Variants in NEK7 observed in about 807,000 individuals in gnomAD.
NEK7 encodes the protein serine/threonine-protein kinase Nek7.
A neutral mutation model predicts 44.6 loss-of-function variants in NEK7; 18 were observed. The observed-to-expected ratio is 0.40, with a 90% confidence interval of 0.28 to 0.60. NEK7 has a LOEUF of 0.60. Ranked by LOEUF, NEK7 falls within the 20% of genes least tolerant of loss-of-function variation. The probability of loss-of-function intolerance (pLI) is 0.38; values close to 1 mark genes in which losing one functional copy is unlikely to be tolerated. For synonymous variants in NEK7, 130 were observed against 121.1 expected (o/e 1.07, Z -0.48); for missense variants, 256 against 366.5 (o/e 0.70, Z 2.46).
chr1:198,161,359 G>C (rs1664096190), intron 1 of NEK7, among the ~76,000 whole-genome samples: 1 of 152,168 alleles, frequency 6.6e-6, no homozygotes, highest in South Asian at 2.1e-4. Flanking sequence ...GATTGCATCT[G>C]CTGCCATTGT....
chr1:198,245,520 A>G (rs909070384), intron 2 of NEK7, among the ~76,000 whole-genome samples: 2 of 152,186 alleles, frequency 1.3e-5, no homozygotes, highest in South Asian at 4.1e-4. Context: ...CTGGGTATGA[A>G]AAAGGAAGTT....
rs1666275275 is a variant in NEK7, at chr1:198,227,911, G to A, written c.-28-4642G>A. On this transcript the variant is annotated intron_variant, in intron 1 of 9. Coordinates refer to ENST00000367385, the MANE Select transcript of NEK7 (RefSeq NM_133494.3). Reference sequence around the variant, plus strand: ...GTCAATTTTGGCTTTTGTTGCCATTGCTTTTGGTGTTTTAGACATGAAGTC... The same window carrying A: ...GTCAATTTTGGCTTTTGTTGCCATTACTTTTGGTGTTTTAGACATGAAGTC... 4.6e-5 allele frequency among the ~76,000 whole-genome samples: 7 copies of A among 152,204 alleles called. No individual in the cohort carries two copies. The South Asian group carries it at 1.5e-3, about 32-fold the overall frequency.
At chr1:198,274,583 C>T (rs1245761613) in intron 5 of NEK7, among the ~76,000 whole-genome samples, 1 of 151,624 alleles carries the variant, frequency 6.6e-6, no homozygotes, top group Non-Finnish European at 1.5e-5. Flanking sequence ...CTATCTTTCT[C>T]TGTTGATGAG....
At chr1:198,163,794 AG>A (rs1257794688) in intron 1 of NEK7, among the ~76,000 whole-genome samples, 1 of 152,218 alleles carries the variant, frequency 6.6e-6, no homozygotes, top group African/African-American at 2.4e-5. Flanking sequence ...GTCTGGTGGT[AG>A]GTGTGGTATT....
At chr1:198,233,838 T>A (rs1364114998) in intron 2 of NEK7, among the ~76,000 whole-genome samples, 1 of 151,624 alleles carries the variant, frequency 6.6e-6, no homozygotes, top group Middle Eastern at 3.2e-3. Context: ...CTTTTCTGCT[T>A]GTATGACTTT....
At chr1:198,275,872 C>A (rs1654003495) in intron 5 of NEK7, among the ~76,000 whole-genome samples, 1 of 151,236 alleles carries the variant, frequency 6.6e-6, no homozygotes, top group African/African-American at 2.4e-5. Flanking sequence ...AAACCCTATA[C>A]TTAAGGAATG....
intron 5 of NEK7, among the ~76,000 whole-genome samples, chr1:198,269,690 C>T (rs1331221483): frequency 6.6e-6 from 1 of 151,978 alleles, no homozygotes; most frequent in Non-Finnish European, 1.5e-5. Flanking sequence ...AGAAATGAAC[C>T]TCTGGATAGC....
chr1:198,188,557 G>A (rs1664983139), intron 1 of NEK7, among the ~76,000 whole-genome samples: 1 of 152,036 alleles, frequency 6.6e-6, no homozygotes, highest in African/African-American at 2.4e-5. Context: ...TGAAGTCCCT[G>A]TAGTTACTTT....
intron 1 of NEK7, among the ~76,000 whole-genome samples, chr1:198,172,161 G>A (rs1218243695): frequency 6.6e-6 from 1 of 152,170 alleles, no homozygotes. Flanking sequence ...AGAGACAGGA[G>A]TCTAGGTTAG....
At chr1:198,232,716 T>C (rs1357411537) in intron 2 of NEK7, 79 bp downstream of exon 2, 5 of 780,556 alleles carry the variant, frequency 6.4e-6, no homozygotes, top group Non-Finnish European at 1.1e-5. Context: ...ACATTTACAG[T>C]TCCTTTAGGA....
intron 3 of NEK7, among the ~76,000 whole-genome samples, chr1:198,259,145 TAA>T (rs1653372129): frequency 1.3e-5 from 2 of 152,162 alleles, no homozygotes; most frequent in South Asian, 4.1e-4. Flanking sequence ...CAGTTAAAAA[TAA>T]AAGTCAATTT....
chr1:198,245,201 GAGAA>G (rs944184181), intron 2 of NEK7: 4 of 169,156 alleles, frequency 2.4e-5, no homozygotes, highest in Non-Finnish European at 4.4e-5. Flanking sequence ...AGAGGAGAAG[GAGAA>G]AGAGAAGGAG....
intron 1 of NEK7, chr1:198,197,947 G>A: frequency 1.3e-6 from 2 of 1,525,700 alleles, no homozygotes; most frequent in Non-Finnish European, 1.8e-6. Context: ...TCCAGGGGCA[G>A]GTGGTGGGTA....
At chr1:198,281,338 A>G (rs559928512) in intron 7 of NEK7, among the ~76,000 whole-genome samples, 1 of 152,212 alleles carries the variant, frequency 6.6e-6, no homozygotes, top group East Asian at 1.9e-4. Context: ...GTGGTGACCT[A>G]TGCAAATTTA....
At chr1:198,178,852 C>T (rs973096159) in intron 1 of NEK7, among the ~76,000 whole-genome samples, 2 of 151,620 alleles carry the variant, frequency 1.3e-5, no homozygotes, top group South Asian at 4.2e-4. Context: ...CAGTCATGAC[C>T]GATAAAGGTT....
intron 7 of NEK7, among the ~76,000 whole-genome samples, chr1:198,287,700 C>G (rs903761771): frequency 4.0e-5 from 6 of 151,516 alleles, no homozygotes; most frequent in Non-Finnish European, 7.4e-5. Flanking sequence ...TGTTGTACAT[C>G]CTAAAAATGA....
intron 2 of NEK7, among the ~76,000 whole-genome samples, chr1:198,252,688 G>GTATT (rs10641639): frequency 0.33 from 49,358 of 147,918 alleles, 9,448 homozygotes; most frequent in East Asian, 0.8. Context: ...GTATGTTTAT[G>GTATT]TATTAAAACA....
At chr1:198,262,742 C>G in intron 4 of NEK7, 105 bp downstream of exon 4, 2 of 549,536 alleles carry the variant, frequency 3.6e-6, no homozygotes, top group Non-Finnish European at 6.4e-6. Flanking sequence ...TTATGCTACA[C>G]TGATTTCAAG....
chr1:198,215,238 T>C (rs1475093396), intron 1 of NEK7, among the ~76,000 whole-genome samples: 2 of 152,104 alleles, frequency 1.3e-5, no homozygotes, highest in Non-Finnish European at 2.9e-5. Flanking sequence ...AAGCATAAAG[T>C]TCACAAGGTT....
Sources: allele counts gnomAD v4.1 joint callset (sites outside exome capture counted in the v4.1 genomes callset), GRCh38; gene constraint gnomAD v4.1.1; transcripts MANE v1.5; gene names NCBI Gene and HGNC (gene_info 2026-07-23, HGNC 2026-07-21).